Variants in PLBD1 observed in about 807,000 individuals in gnomAD.
PLBD1 encodes lysosomal leucine aminopeptidase.
In PLBD1, 60 loss-of-function variants were observed where a neutral mutation model predicts 63.0. The observed-to-expected ratio is 0.95, with a 90% confidence interval of 0.77 to 1.18. The LOEUF (loss-of-function observed/expected upper bound fraction) is 1.18. Ranked by LOEUF, PLBD1 falls within the 50% of genes most tolerant of loss-of-function variation. The pLI is 0.00. For missense variants in PLBD1, 598 were observed against 677.9 expected (o/e 0.88, Z 1.31); for synonymous variants, 262 against 248.0 (o/e 1.06, Z -0.53).
intron 4 of PLBD1, among the ~76,000 whole-genome samples, chr12:14,539,208 T>C (rs183852478): frequency 1.4e-4 from 21 of 152,218 alleles, no homozygotes; most frequent in African/African-American, 4.8e-4. Flanking sequence ...GATGATATTA[T>C]ACATCTGAAA....
At chr12:14,537,681 G>C (rs1159110862) in intron 4 of PLBD1, among the ~76,000 whole-genome samples, 1 of 152,150 alleles carries the variant, frequency 6.6e-6, no homozygotes, top group Non-Finnish European at 1.5e-5. Flanking sequence ...TCCGGGTTAG[G>C]CATCAGCAAA....
intron 3 of PLBD1, among the ~76,000 whole-genome samples, 193 bp downstream of exon 3, chr12:14,542,015 G>A (rs1209712878): frequency 6.6e-6 from 1 of 152,188 alleles, no homozygotes; most frequent in African/African-American, 2.4e-5. Context: ...TGAAAGAGCT[G>A]AAATTAGAGA....
chr12:14,557,169 AT>A (rs1445834616), intron 1 of PLBD1, among the ~76,000 whole-genome samples: 1 of 152,178 alleles, frequency 6.6e-6, no homozygotes, highest in African/African-American at 2.4e-5. Context: ...TGTCAAAAAA[AT>A]AACAGGTGCT....
At chr12:14,520,968 A>G (rs867770213) in intron 6 of PLBD1, among the ~76,000 whole-genome samples, 47 of 152,306 alleles carry the variant, frequency 3.1e-4, no homozygotes, top group Middle Eastern at 6.8e-3. Flanking sequence ...GCTGATGTAC[A>G]GCACTATCTT....
chr12:14,565,336 T>G (rs529189872), intron 1 of PLBD1, among the ~76,000 whole-genome samples: 5 of 151,786 alleles, frequency 3.3e-5, no homozygotes, highest in Non-Finnish European at 5.9e-5. Flanking sequence ...CGTGGTGGTG[T>G]GTGCCTGTAA....
chr12:14,554,768 T>C (rs1945688464), intron 1 of PLBD1, among the ~76,000 whole-genome samples: 1 of 152,026 alleles, frequency 6.6e-6, no homozygotes, highest in East Asian at 1.9e-4. Context: ...CTTAAAACTT[T>C]TTCCTTCCAC....
chr12:14,553,053 T>C, intron 2 of PLBD1, 140 bp downstream of exon 2: 1 of 807,096 alleles, frequency 1.2e-6, no homozygotes, highest in Non-Finnish European at 2.0e-6. Flanking sequence ...AATGCAATTC[T>C]GATAATGTCT....
At chr12:14,567,543 C>T in intron 1 of PLBD1, 39 bp downstream of exon 1, 2 of 1,462,348 alleles carry the variant, frequency 1.4e-6, no homozygotes, top group Non-Finnish European at 1.8e-6. Flanking sequence ...TCCTAGGAGC[C>T]TCCCCGGGCG....
At chr12:14,535,027 T>C (rs1187522680) in intron 6 of PLBD1, among the ~76,000 whole-genome samples, 2 of 152,200 alleles carry the variant, frequency 1.3e-5, no homozygotes, top group East Asian at 3.8e-4. Context: ...TCTCAAAGGT[T>C]GTCCTCTCTT....
At position 14,559,360 on chromosome 12, in the gene PLBD1, G is replaced by A. The variant is rs190644975; in HGVS notation, c.116-5948C>T. On this transcript the variant is annotated intron_variant, in intron 1 of 10. Coordinates refer to ENST00000240617, the MANE Select transcript of PLBD1 (RefSeq NM_024829.6). Reference sequence around the variant, plus strand: ...TTATTTATTTTTGAGCTGGGGTCTCGCTCTGTTGCTCAGGCTGGAGTGCAG... The same window carrying A: ...TTATTTATTTTTGAGCTGGGGTCTCACTCTGTTGCTCAGGCTGGAGTGCAG... Among the ~76,000 whole-genome samples, 14 of 152,144 alleles carry A rather than the reference G, an allele frequency of 9.2e-5. No homozygotes were observed. The East Asian group carries it at 9.6e-4, about 10-fold the overall frequency.
At chr12:14,512,618 T>C (rs1945306918) in intron 6 of PLBD1, among the ~76,000 whole-genome samples, 1 of 152,208 alleles carries the variant, frequency 6.6e-6, no homozygotes, top group Non-Finnish European at 1.5e-5. Context: ...TTGTGGTTTA[T>C]ACTGGGATGA....
chr12:14,516,404 C>T (rs1263028973), intron 6 of PLBD1, among the ~76,000 whole-genome samples: 1 of 152,148 alleles, frequency 6.6e-6, no homozygotes, highest in African/African-American at 2.4e-5. Flanking sequence ...ACCACAAGGG[C>T]TGCCATAGTC....
chr12:14,548,457 C>CAAAAAAAAAAAAAA (rs56119793), intron 2 of PLBD1, among the ~76,000 whole-genome samples: 1 of 68,336 alleles, frequency 1.5e-5, no homozygotes, highest in African/African-American at 5.4e-5. Context: ...ACTCCATCTC[C>CAAAAAAAAAAAAAA]AAAAAAAAAA....
chr12:14,514,552 A>G (rs1285618022), intron 6 of PLBD1, among the ~76,000 whole-genome samples: 2 of 152,320 alleles, frequency 1.3e-5, no homozygotes, highest in South Asian at 2.1e-4. Flanking sequence ...TGATGGAAAT[A>G]TATAGGCTAT....
chr12:14,537,961 T>G (rs905824197), intron 4 of PLBD1, among the ~76,000 whole-genome samples: 2 of 152,132 alleles, frequency 1.3e-5, no homozygotes, highest in African/African-American at 4.8e-5. Flanking sequence ...TTGCATATAC[T>G]GCCAGAGTTT....
At chr12:14,528,999 A>G (rs1026233872) in intron 6 of PLBD1, among the ~76,000 whole-genome samples, 12 of 152,160 alleles carry the variant, frequency 7.9e-5, no homozygotes, top group African/African-American at 2.9e-4. Flanking sequence ...AAAAACCTTC[A>G]TATCTAGCTT....
At chr12:14,536,457 A>C in intron 5 of PLBD1, 113 bp downstream of exon 5, 1 of 1,164,668 alleles carries the variant, frequency 8.6e-7, no homozygotes, top group Non-Finnish European at 1.2e-6. Context: ...TGAAGAACTC[A>C]TGAGCTGATA....
chr12:14,524,167 G>A (rs1945399323), intron 6 of PLBD1, among the ~76,000 whole-genome samples: 2 of 152,236 alleles, frequency 1.3e-5, no homozygotes, highest in South Asian at 4.1e-4. Flanking sequence ...GGTAGGCAAG[G>A]TGGAAAGGGC....
At position 14,535,663 on chromosome 12, in the gene PLBD1, G is replaced by T. The variant is rs372994973; in HGVS notation, c.840C>A (p.Tyr280Ter). 8.1e-5 allele frequency: 130 copies of T among 1,613,698 alleles called. No individual in the cohort carries two copies. Among genetic ancestry groups the T allele is most frequent in the Non-Finnish European group, 1.1e-4 (128 of 1,179,840 alleles). The change falls in exon 6 of 11, where the codon TAC becomes TAA. Residue 280 changes from tyrosine (Y) to a stop codon, truncating the protein, a stop_gained. Transcript: ENST00000240617. LOFTEE classifies it high-confidence loss of function. ...TSSSRLSFSSYPGFLESLDDF... is the reference protein window; with the variant it reads ...TSSSRLSFSS ...TGTTCCTTTAAATTCATTTACCTGG[G>T]TAACTGCTGAAAGAGAGGCGACTAC... is the stretch of plus-strand genomic sequence containing the variant.
Sources: gnomAD v4.1 joint callset for allele counts (sites outside exome capture counted in the v4.1 genomes callset) on GRCh38, gnomAD v4.1.1 for gene constraint, MANE v1.5 for transcripts, NCBI Gene and HGNC (gene_info 2026-07-23, HGNC 2026-07-21) for gene names.